GREB1L: variants seen among roughly 807,000 people sequenced by gnomAD.
The protein encoded by GREB1L is GREB1 like retinoic acid receptor coactivator.
A neutral mutation model predicts 200.8 loss-of-function variants in GREB1L; 17 were observed. The ratio of observed to expected loss-of-function variants is 0.08; its 90% confidence interval spans 0.06 to 0.13. The LOEUF is 0.13. Ranked by LOEUF, GREB1L falls within the 10% of genes least tolerant of loss-of-function variation. The pLI, the probability that GREB1L is intolerant of heterozygous loss-of-function variation, is 1.00. For synonymous variants in GREB1L, 789 were observed against 893.0 expected (o/e 0.88, Z 2.08); for missense variants, 1,657 against 2,367.7 (o/e 0.70, Z 6.23).
chr18:21,318,993 C>T (rs960073790), intron 1 of GREB1L, among the ~76,000 whole-genome samples: 5 of 152,282 alleles, frequency 3.3e-5, no homozygotes, highest in African/African-American at 9.6e-5. Flanking sequence ...GCTTAGCCCC[C>T]GTGTAGCTGC....
At chr18:21,516,838 ACTTT>A (rs754322798) in intron 30 of GREB1L, 84 bp downstream of exon 30, 1,575 of 1,215,616 alleles carry the variant, frequency 1.3e-3, no homozygotes, top group Non-Finnish European at 1.7e-3. Context: ...GGCATTAAGC[ACTTT>A]CTATTTTATT....
intron 1 of GREB1L, among the ~76,000 whole-genome samples, chr18:21,265,202 TC>T (rs2037946994): frequency 6.6e-6 from 1 of 152,184 alleles, no homozygotes; most frequent in Admixed American, 6.5e-5. Context: ...ATTGTTAGAT[TC>T]ATAACACATT....
In GREB1L at chr18:21,467,792, A is replaced by G. The variant is rs932669180; in HGVS notation, c.2183-5239A>G. On this transcript the variant is annotated intron_variant, in intron 15 of 32. Transcript: ENST00000424526. ...GTAATCCCAGCACTTTGGGAGGCCAAGGCGGGCGGATCACAAGGTCAGGAG... is the reference window on the plus strand; with the variant it reads ...GTAATCCCAGCACTTTGGGAGGCCAGGGCGGGCGGATCACAAGGTCAGGAG... Among the ~76,000 whole-genome samples, 7 of 152,320 alleles carry G rather than the reference A, an allele frequency of 4.6e-5. 1 individual carries two copies. The highest frequency in any genetic ancestry group is 4.8e-5 in the African/African-American group (2 of 41,572).
chr18:21,396,040 C>CTT (rs1169992647), intron 5 of GREB1L, among the ~76,000 whole-genome samples: 1 of 139,718 alleles, frequency 7.2e-6, no homozygotes, highest in Non-Finnish European at 1.6e-5. Flanking sequence ...TATTTTCTTT[C>CTT]TTTTTTTTTT....
intron 1 of GREB1L, among the ~76,000 whole-genome samples, chr18:21,262,336 G>A (rs1464170082): frequency 6.6e-6 from 1 of 152,008 alleles, no homozygotes; most frequent in African/African-American, 2.4e-5. Context: ...TCTGAGGCTT[G>A]GAGAAAGTGA....
chr18:21,521,395 G>A (rs2037594953), intron 32 of GREB1L, among the ~76,000 whole-genome samples: 1 of 151,622 alleles, frequency 6.6e-6, no homozygotes, highest in South Asian at 2.1e-4. Flanking sequence ...AGAGAGACTG[G>A]CCTAAGAACA....
At position 21,333,092 on chromosome 18, in the gene GREB1L, A is replaced by ACG. The variant is rs1318005450; in HGVS notation, c.-119-32919_-119-32918dup. On this transcript the variant is annotated intron_variant, in intron 1 of 32. Transcript: ENST00000424526. ...AGAGACCCTATGTTAATACACACAC[A>ACG]CGCGCGCGCGCGCGCGCACATACGG... 3.2e-3 allele frequency among the ~76,000 whole-genome samples: 487 copies of ACG among 151,112 alleles called. 3 individuals carry two copies. The highest frequency in any genetic ancestry group is 0.011 in the African/African-American group (438 of 41,294).
Position 21,403,906 on chromosome 18 carries a change from C to T in GREB1L, c.744C>T (p.His248=). 6.4e-7 allele frequency: 1 copy of T among 1,551,358 alleles called. No homozygotes were observed. Among genetic ancestry groups the T allele is most frequent in the Non-Finnish European group, 8.7e-7 (1 of 1,146,488 alleles). The change falls in exon 7 of 33, where the codon CAC becomes CAT. Residue 248 remains histidine (H), a synonymous_variant. Coordinates refer to ENST00000424526, the MANE Select transcript of GREB1L (RefSeq NM_001142966.3). ...CRSRQSSASC[H]SIKPSSSVSS... ...GCCGACAATCCTCTGCTTCTTGCCA[C>T]TCTATTAAGCCAAGCTCTTCAGTGT...
chr18:21,341,024 A>AT (rs1279759546), intron 1 of GREB1L, among the ~76,000 whole-genome samples: 5 of 152,212 alleles, frequency 3.3e-5, no homozygotes, highest in Non-Finnish European at 5.9e-5. Flanking sequence ...AGATATATCC[A>AT]TTTTACAGAT....
chr18:21,342,029 A>G (rs561588286), intron 1 of GREB1L, among the ~76,000 whole-genome samples: 1 of 152,248 alleles, frequency 6.6e-6, no homozygotes, highest in African/African-American at 2.4e-5. Flanking sequence ...ATAGGGAAAG[A>G]TTTTCATTAT....
At chr18:21,302,804 C>T (rs2038639257) in intron 1 of GREB1L, among the ~76,000 whole-genome samples, 1 of 152,152 alleles carries the variant, frequency 6.6e-6, no homozygotes, top group Non-Finnish European at 1.5e-5. Flanking sequence ...TCACTGCAAC[C>T]TCCCCCTCCC....
intron 15 of GREB1L, among the ~76,000 whole-genome samples, chr18:21,469,680 A>G (rs564893811): frequency 2.6e-5 from 4 of 152,236 alleles, no homozygotes; most frequent in African/African-American, 7.2e-5. Context: ...ATGAATGCAC[A>G]CATATACCTC....
In GREB1L at chr18:21,414,891, TACACTATTCATCAGGCA is replaced by T. The variant is rs528728902; in HGVS notation, c.832+10901_832+10917del. ...AAAAATACATTAAAAAAATTTTAAATACACTATTCATCAGGCAACAAAGAATAGTGATCCCTGAGAGA... is the reference window on the plus strand; with the variant it reads ...AAAAATACATTAAAAAAATTTTAAATACAAAGAATAGTGATCCCTGAGAGA... On this transcript the variant is annotated intron_variant, in intron 7 of 32. Transcript: ENST00000424526. Among the ~76,000 whole-genome samples the T allele has an allele frequency of 4.2e-3, 632 of 152,270 alleles. 6 individuals are homozygous for T. Among genetic ancestry groups the T allele is most frequent in the African/African-American group, 0.014 (586 of 41,536 alleles).
At chr18:21,432,705 C>CTTTTTTTTTTTTTTTTTT (rs11380208) in intron 7 of GREB1L, among the ~76,000 whole-genome samples, 18 of 94,352 alleles carry the variant, frequency 1.9e-4, no homozygotes, top group East Asian at 6.1e-4. Context: ...TCTTTTTTTT[C>CTTTTTTTTTTTTTTTTTT]TTTTTTTTTT....
intron 1 of GREB1L, among the ~76,000 whole-genome samples, chr18:21,360,946 A>G (rs186079162): frequency 8.5e-5 from 13 of 152,334 alleles, no homozygotes; most frequent in Non-Finnish European, 1.6e-4. Context: ...TGGTGAGTGT[A>G]TGTGATGACA....
intron 7 of GREB1L, among the ~76,000 whole-genome samples, chr18:21,428,284 T>C (rs2032791862): frequency 7.0e-6 from 1 of 142,924 alleles, no homozygotes. Flanking sequence ...AGTCTGATGG[T>C]AGTAGTGGGT....
intron 4 of GREB1L, among the ~76,000 whole-genome samples, chr18:21,392,956 A>C (rs1342013756): frequency 6.6e-6 from 1 of 151,938 alleles, no homozygotes; most frequent in African/African-American, 2.4e-5. Flanking sequence ...ATTTTTTTGT[A>C]GAGATGGGGT....
chr18:21,446,861 A>T (rs1263501019), intron 11 of GREB1L, among the ~76,000 whole-genome samples: 1 of 152,238 alleles, frequency 6.6e-6, no homozygotes, highest in African/African-American at 2.4e-5. Context: ...CCTCTTCACT[A>T]CAGTCACTTT....
At chr18:21,254,225 A>G (rs2037764427) in intron 1 of GREB1L, among the ~76,000 whole-genome samples, 1 of 151,482 alleles carries the variant, frequency 6.6e-6, no homozygotes, top group Non-Finnish European at 1.5e-5. Flanking sequence ...ACACTTCATC[A>G]CACCCAGCTA....
Sources: allele counts gnomAD v4.1 joint callset (sites outside exome capture counted in the v4.1 genomes callset), GRCh38; gene constraint gnomAD v4.1.1; transcripts MANE v1.5; gene names NCBI Gene and HGNC (gene_info 2026-07-23, HGNC 2026-07-21).